CHM: variants seen among roughly 807,000 people sequenced by gnomAD.
CHM encodes the protein rab proteins geranylgeranyltransferase component A 1.
CHM carries 10 observed loss-of-function variants against 49.0 expected under a neutral mutation model. That is an observed-to-expected ratio of 0.20 (90% confidence interval 0.13 to 0.35). The LOEUF is 0.35. Ranked by LOEUF, CHM falls within the 10% of genes least tolerant of loss-of-function variation. The pLI is 1.00. For synonymous variants in CHM, 184 were observed against 167.5 expected (o/e 1.10, Z -0.76); for missense variants, 455 against 478.4 (o/e 0.95, Z 0.46).
rs776747173 is a variant in CHM at position 85,999,088 on chromosome X, T to C, written c.117-17279A>G. On this transcript the variant is annotated intron_variant, in intron 2 of 14. Transcript: ENST00000357749. Reference sequence around the variant, plus strand: ...TTCCTAAATAGTCACAACTCCTACCTAGAAAAAAAAAATTCATTTGTCAGG... The same window carrying C: ...TTCCTAAATAGTCACAACTCCTACCCAGAAAAAAAAAATTCATTTGTCAGG... Among the ~76,000 whole-genome samples the C allele has an allele frequency of 3.6e-5, 4 of 110,573 alleles. No individual in the cohort carries two copies. In the Admixed American group the frequency reaches 3.9e-4, roughly 11 times the overall value.
At chrX:85,975,534 G>GT (rs1469151203) in intron 4 of CHM, among the ~76,000 whole-genome samples, 6 of 111,760 alleles carry the variant, frequency 5.4e-5, no homozygotes, top group Non-Finnish European at 1.1e-4. Flanking sequence ...ATTATGCTGA[G>GT]TAAAAAAAAG....
At chrX:86,021,027 CACACACATATATATACACATATAT>C (rs1459251916) in intron 2 of CHM, among the ~76,000 whole-genome samples, 1 of 96,635 alleles carries the variant, frequency 1.0e-5, no homozygotes, top group Non-Finnish European at 2.1e-5. Flanking sequence ...CACATATATA[CACACACATATATATACACATATAT>C]ACACACATAT....
intron 2 of CHM, among the ~76,000 whole-genome samples, chrX:85,992,825 T>TCA: frequency 8.9e-6 from 1 of 112,480 alleles, no homozygotes; most frequent in Non-Finnish European, 1.9e-5. Context: ...GAAGTTGCTT[T>TCA]GGCAATCAGA....
intron 14 of CHM, among the ~76,000 whole-genome samples, chrX:85,867,074 G>A (rs1248656965): frequency 8.9e-6 from 1 of 111,762 alleles, no homozygotes; most frequent in Non-Finnish European, 1.9e-5. Flanking sequence ...AAGGACATGA[G>A]ATTTGGGAAG....
At chrX:85,916,286 T>C (rs1927449102) in intron 8 of CHM, among the ~76,000 whole-genome samples, 1 of 112,105 alleles carries the variant, frequency 8.9e-6, no homozygotes, top group Admixed American at 9.5e-5. Context: ...TTACACCATA[T>C]ATATATCTAA....
chrX:85,911,152 T>TATGTGTGTATATATATATATATATGA (rs1556276709), intron 9 of CHM, 109 bp downstream of exon 9: 4 of 4,314 alleles, frequency 9.3e-4, no homozygotes, highest in Non-Finnish European at 1.3e-3. Flanking sequence ...TATATATATA[T>TATGTGTGTATATATATATATATATGA]ATATATATAT....
At chrX:86,020,857 C>G (rs1933513847) in intron 2 of CHM, among the ~76,000 whole-genome samples, 1 of 100,309 alleles carries the variant, frequency 1.0e-5, no homozygotes, top group Admixed American at 1.1e-4. Flanking sequence ...TCATATATAT[C>G]ATATTTATAT....
intron 9 of CHM, among the ~76,000 whole-genome samples, chrX:85,905,393 A>T (rs767959191): frequency 1.4e-4 from 16 of 112,092 alleles, no homozygotes; most frequent in African/African-American, 3.9e-4. Flanking sequence ...CATAACAACC[A>T]TGTGCCAAGC....
Position 85,864,497 on chromosome X carries a change from T to C in CHM, c.*133A>G. The stretch of plus-strand genomic sequence containing the variant: ...TGTCCTCTATAAGGAAAATCCCCTT[T>C]TGGATTTCTATTACCTATTTTGCCT... On this transcript the variant is annotated 3_prime_UTR_variant, in exon 15 of 15. Coordinates refer to ENST00000357749, the MANE Select transcript of CHM (RefSeq NM_000390.4). The C allele has an allele frequency of 1.8e-6, 1 of 557,859 alleles. No individual in the cohort carries two copies. The highest frequency in any genetic ancestry group is 3.6e-5 in the East Asian group (1 of 27,703). 46.0% of individuals were successfully genotyped at this position (557,859 alleles called of 1,213,427 possible).
In CHM at chrX:85,862,983, A is replaced by T. The variant is rs180952853; in HGVS notation, c.*1647T>A. 1.4e-4 allele frequency: 16 copies of T among 112,225 alleles called. No homozygotes were observed. The highest frequency in any genetic ancestry group is 5.2e-4 in the African/African-American group (16 of 30,874). The allele number at this position is 112,225 out of a possible 1,213,427, so 9.2% of individuals were successfully genotyped here. ...TTTGTTTGTTTATTTATAGGCAATT[A>T]TAAGTCTCAACTATTGCTCAAATAA... On this transcript the variant is annotated 3_prime_UTR_variant, in exon 15 of 15. Transcript: ENST00000357749.
At position 85,956,219 on chromosome X, in the gene CHM, C is replaced by T. The variant is rs76191025; in HGVS notation, c.1100G>A (p.Arg367Gln). 1,844 of 1,208,874 alleles carry T rather than the reference C, an allele frequency of 1.5e-3. 2 individuals carry two copies. The highest frequency in any genetic ancestry group is 4.5e-3 in the South Asian group (255 of 56,607). ...AAACAAAAATGGAGTGTTGCCATAC[C>T]GCCCAAGACAGTGAAGAAAGTTTTT... is the stretch of plus-strand genomic sequence containing the variant. The part of the protein sequence containing the change: ...ATKNFLHCLG[R>Q]YGNTPFLFPL... Residue 367 changes from arginine (R) to glutamine (Q), a missense_variant, in exon 8 of 15, where the codon CGG (arginine) becomes CAG (glutamine). Coordinates refer to ENST00000357749, the MANE Select transcript of CHM (RefSeq NM_000390.4).
At chrX:85,921,087 C>A (rs60830907) in intron 8 of CHM, among the ~76,000 whole-genome samples, 19,045 of 111,266 alleles carry the variant, frequency 0.17, 1,537 homozygotes, top group Middle Eastern at 0.25. Context: ...TTATGACTAT[C>A]TTGTAATCCA....
intron 8 of CHM, among the ~76,000 whole-genome samples, chrX:85,931,395 T>TA: frequency 9.0e-6 from 1 of 111,650 alleles, no homozygotes; most frequent in Admixed American, 9.5e-5. Context: ...TTTATGGAAC[T>TA]AAAAATGCGT....
chrX:85,892,565 G>C (rs1359133421), intron 12 of CHM, among the ~76,000 whole-genome samples: 1 of 111,137 alleles, frequency 9.0e-6, no homozygotes, highest in Non-Finnish European at 1.9e-5. Flanking sequence ...GACCTCCCTA[G>C]CCATGTGGAA....
chrX:85,886,554 G>A (rs978512313), intron 12 of CHM, among the ~76,000 whole-genome samples: 1 of 110,609 alleles, frequency 9.0e-6, no homozygotes, highest in Non-Finnish European at 1.9e-5. Context: ...ATAAACACAG[G>A]GTATATTTGC....
chrX:86,025,426 T>C (rs1216698214), intron 2 of CHM, among the ~76,000 whole-genome samples: 1 of 111,117 alleles, frequency 9.0e-6, no homozygotes, highest in Non-Finnish European at 1.9e-5. Flanking sequence ...CGGTAGTTCA[T>C]GCCTGTAATC....
chrX:85,897,306 C>CGTGT (rs533191230), intron 11 of CHM, among the ~76,000 whole-genome samples: 1,448 of 76,468 alleles, frequency 0.019, 34 homozygotes, highest in African/African-American at 0.053. Flanking sequence ...CTTGTGTGTG[C>CGTGT]GTGTGTGTGT....
chrX:85,988,402 C>T (rs773774642), intron 2 of CHM, among the ~76,000 whole-genome samples: 1 of 111,787 alleles, frequency 8.9e-6, no homozygotes, highest in Admixed American at 9.5e-5. Context: ...CAACATCATG[C>T]TGAATGGGCT....
At chrX:85,955,112 G>A (rs1307476845) in intron 8 of CHM, among the ~76,000 whole-genome samples, 1 of 111,275 alleles carries the variant, frequency 9.0e-6, no homozygotes, top group Non-Finnish European at 1.9e-5. Context: ...GTTTTGAGGG[G>A]GCAGCGGATA....
Sources: gnomAD v4.1 joint callset for allele counts (sites outside exome capture counted in the v4.1 genomes callset) on GRCh38, gnomAD v4.1.1 for gene constraint, MANE v1.5 for transcripts, NCBI Gene and HGNC (gene_info 2026-07-23, HGNC 2026-07-21) for gene names.